Variants in TEAD1 observed in about 807,000 individuals in gnomAD.
TEAD1 encodes the protein transcriptional enhancer factor TEF-1.
Under a neutral mutation model 54.9 loss-of-function variants are expected in TEAD1, and 9 were observed. That is an observed-to-expected ratio of 0.16 (90% CI 0.10 to 0.29). The LOEUF is 0.29. Ranked by LOEUF, TEAD1 falls within the 10% of genes least tolerant of loss-of-function variation. TEAD1 has a pLI of 1.00. For synonymous variants in TEAD1, 200 were observed against 187.8 expected, an observed-to-expected ratio of 1.07 and a Z score of -0.53; for missense variants, 387 against 535.9, an observed-to-expected ratio of 0.72 and a Z score of 2.74.
At chr11:12,864,598 A>C in intron 4 of TEAD1, 38 of 839,134 alleles carry the variant, frequency 4.5e-5, no homozygotes, top group East Asian at 1.3e-4. Context: ...AAGAGTAGCG[A>C]TTTTATATTT....
chr11:12,840,324 C>A (rs1482478317), intron 3 of TEAD1, among the ~76,000 whole-genome samples: 1 of 148,950 alleles, frequency 6.7e-6, no homozygotes, highest in Non-Finnish European at 1.5e-5. Context: ...GTGGATGAGT[C>A]TGAGAGATGG....
intron 11 of TEAD1, among the ~76,000 whole-genome samples, chr11:12,928,575 C>T (rs1464125906): frequency 6.6e-6 from 1 of 151,770 alleles, no homozygotes; most frequent in Non-Finnish European, 1.5e-5. Flanking sequence ...CAACTATATA[C>T]CTTTTTCAAT....
intron 5 of TEAD1, among the ~76,000 whole-genome samples, chr11:12,867,577 C>T (rs1440218751): frequency 6.6e-6 from 1 of 152,166 alleles, no homozygotes; most frequent in Non-Finnish European, 1.5e-5. Context: ...TATACTTAAC[C>T]TTCCTAACCA....
At chr11:12,840,636 A>G (rs1947017191) in intron 3 of TEAD1, among the ~76,000 whole-genome samples, 1 of 152,162 alleles carries the variant, frequency 6.6e-6, no homozygotes, top group Admixed American at 6.5e-5. Context: ...GTCTATGTTA[A>G]TAGATATTCC....
Position 12,778,529 on chromosome 11 carries a change from CTTTTTTTTTTTT to C in TEAD1, c.202+14105_202+14116del, listed in dbSNP as rs775536398. On this transcript the variant is annotated intron_variant, in intron 3 of 12. Transcript: ENST00000527636. ...TGTCCATTAAAGGCCTCATCAGACT[CTTTTTTTTTTTT>C]TTTTTTTTTAAACTGTAGTAAGCAC... Among the ~76,000 whole-genome samples, 4 of 125,810 alleles carry C rather than the reference CTTTTTTTTTTTT, an allele frequency of 3.2e-5. 1 individual carries two copies. The South Asian group carries it at 7.7e-4, about 24-fold the overall frequency. 82.5% of individuals were successfully genotyped at this position (125,810 alleles called of 152,430 possible).
chr11:12,779,796 C>A (rs1945507068), intron 3 of TEAD1, among the ~76,000 whole-genome samples: 1 of 152,282 alleles, frequency 6.6e-6, no homozygotes, highest in East Asian at 1.9e-4. Context: ...ATTAACGTAA[C>A]ACACCATATC....
chr11:12,843,077 G>C (rs1947073568), intron 3 of TEAD1, among the ~76,000 whole-genome samples: 1 of 152,114 alleles, frequency 6.6e-6, no homozygotes, highest in Non-Finnish European at 1.5e-5. Context: ...TATCTGGGAG[G>C]ATGCAAATGG....
intron 3 of TEAD1, among the ~76,000 whole-genome samples, chr11:12,777,659 T>A (rs1228800283): frequency 6.6e-6 from 1 of 152,248 alleles, no homozygotes; most frequent in Non-Finnish European, 1.5e-5. Flanking sequence ...TCGGATTGCA[T>A]GTTTATTCAA....
In TEAD1 at chr11:12,943,445, A is replaced by G. The variant is rs2134183638; in HGVS notation, c.*6223A>G. 6.5e-6 allele frequency: 1 copy of G among 152,780 alleles called. No homozygotes were observed. Among genetic ancestry groups the G allele is most frequent in the South Asian group, 2.1e-4 (1 of 4,830 alleles). The allele number at this position is 152,780 out of a possible 1,614,324, so 9.5% of individuals were successfully genotyped here. A position where few individuals can be genotyped will look rare whatever the true frequency, so the allele number is the denominator to read the frequency against. On this transcript the variant is annotated 3_prime_UTR_variant, in exon 13 of 13. Transcript: ENST00000527636. ...TTATTGCATTGCAAAGGGTAGTTTC[A>G]CTGAAGTCATGCACCATTAAATAAG...
intron 2 of TEAD1, among the ~76,000 whole-genome samples, chr11:12,678,943 G>C (rs1469881880): frequency 6.6e-6 from 1 of 152,170 alleles, no homozygotes; most frequent in Non-Finnish European, 1.5e-5. Flanking sequence ...GGATGCCCTG[G>C]TGGGTGGGTT....
intron 3 of TEAD1, chr11:12,851,021 T>C: frequency 2.1e-6 from 2 of 963,940 alleles, no homozygotes; most frequent in African/African-American, 1.8e-5. Flanking sequence ...ATATTGGCAG[T>C]GCTGTCTAAT....
intron 2 of TEAD1, among the ~76,000 whole-genome samples, chr11:12,683,432 C>A (rs182490884): frequency 8.5e-5 from 13 of 152,156 alleles, no homozygotes; most frequent in Non-Finnish European, 1.5e-4. Flanking sequence ...TTTTTAGGAG[C>A]ATGGATTTCC....
chr11:12,706,302 G>T (rs1464110959), intron 2 of TEAD1, among the ~76,000 whole-genome samples: 1 of 152,152 alleles, frequency 6.6e-6, no homozygotes, highest in East Asian at 1.9e-4. Context: ...CATTAAAAGA[G>T]AAGTTTCCTG....
chr11:12,845,239 G>GCAATT (rs1947121477), intron 3 of TEAD1, among the ~76,000 whole-genome samples: 1 of 152,100 alleles, frequency 6.6e-6, no homozygotes, highest in African/African-American at 2.4e-5. Context: ...TGGGATTACA[G>GCAATT]GCATGAGCCA....
intron 2 of TEAD1, among the ~76,000 whole-genome samples, chr11:12,735,402 T>C (rs528375269): frequency 2.1e-4 from 32 of 152,234 alleles, no homozygotes; most frequent in Admixed American, 8.5e-4. Context: ...CCCACTGCTG[T>C]GGTTCTTTGT....
chr11:12,844,530 G>A (rs1204692014), intron 3 of TEAD1, among the ~76,000 whole-genome samples: 1 of 152,162 alleles, frequency 6.6e-6, no homozygotes, highest in Non-Finnish European at 1.5e-5. Flanking sequence ...TCATTGGGGG[G>A]CAGGGGTGGG....
chr11:12,903,197 C>A (rs867429570), intron 10 of TEAD1, among the ~76,000 whole-genome samples: 1 of 152,168 alleles, frequency 6.6e-6, no homozygotes, highest in Non-Finnish European at 1.5e-5. Context: ...GCTCGTAGAT[C>A]ACCAGAGACA....
At chr11:12,880,702 T>C (rs1947946892) in intron 6 of TEAD1, among the ~76,000 whole-genome samples, 2 of 152,130 alleles carry the variant, frequency 1.3e-5, no homozygotes, top group South Asian at 2.1e-4. Context: ...AGTTCAAATA[T>C]TGGTGAGCCC....
chr11:12,901,741 A>T (rs1364196484), intron 9 of TEAD1, among the ~76,000 whole-genome samples, 199 bp from the exon 10 acceptor site: 2 of 152,224 alleles, frequency 1.3e-5, no homozygotes, highest in East Asian at 3.8e-4. Context: ...TGCCCTTGTC[A>T]GTAAAAAGCA....
Sources: allele counts gnomAD v4.1 joint callset (sites outside exome capture counted in the v4.1 genomes callset), GRCh38; gene constraint gnomAD v4.1.1; transcripts MANE v1.5; gene names NCBI Gene and HGNC (gene_info 2026-07-23, HGNC 2026-07-21).